The following CNTNAP2 variants were observed in gnomAD, a reference collection of about 807,000 sequenced individuals.
The protein encoded by CNTNAP2 is contactin associated protein 2, also known as contactin-associated protein-like 2.
A neutral mutation model predicts 155.2 loss-of-function variants in CNTNAP2; 98 were observed. The observed-to-expected ratio is 0.63, with a 90% confidence interval of 0.54 to 0.75. The LOEUF is 0.75. CNTNAP2 is among the 30% of genes least tolerant of loss of function. The pLI is 0.00. For missense variants in CNTNAP2, 1,727 were observed against 1,688.1 expected (o/e 1.02, Z -0.40); for synonymous variants, 651 against 631.2 (o/e 1.03, Z -0.47).
chr7:147,166,751 T>TG (rs1439582265), intron 8 of CNTNAP2, among the ~76,000 whole-genome samples: 2 of 150,826 alleles, frequency 1.3e-5, no homozygotes, highest in Non-Finnish European at 3.0e-5. Flanking sequence ...GTGGGCAGAG[T>TG]GGGGGTCACA....
At chr7:146,632,891 TG>T (rs1401537387) in intron 1 of CNTNAP2, among the ~76,000 whole-genome samples, 3 of 151,836 alleles carry the variant, frequency 2.0e-5, no homozygotes, top group Admixed American at 2.0e-4. Context: ...TGAGCTAATT[TG>T]TAAATGATGT....
chr7:147,718,533 AT>A (rs1296154912), intron 13 of CNTNAP2, among the ~76,000 whole-genome samples: 1 of 152,132 alleles, frequency 6.6e-6, no homozygotes, highest in East Asian at 1.9e-4. Context: ...AACAAAATAT[AT>A]TTCAGTCTTT....
intron 1 of CNTNAP2, among the ~76,000 whole-genome samples, chr7:146,719,184 C>T (rs1245885321): frequency 6.6e-6 from 1 of 152,144 alleles, no homozygotes; most frequent in Non-Finnish European, 1.5e-5. Flanking sequence ...TGGAATATCA[C>T]ATCATTCTGT....
intron 15 of CNTNAP2, among the ~76,000 whole-genome samples, chr7:148,106,493 G>GATAGATATATATATATATATATATATAT (rs1490418389): frequency 8.0e-6 from 1 of 124,926 alleles, no homozygotes; most frequent in Non-Finnish European, 1.6e-5. Context: ...CACACTTTGA[G>GATAGATATATATATATATATATATATAT]ATATATATAT....
At chr7:146,172,976 G>A (rs1798416326) in intron 1 of CNTNAP2, among the ~76,000 whole-genome samples, 1 of 152,032 alleles carries the variant, frequency 6.6e-6, no homozygotes, top group Non-Finnish European at 1.5e-5. Flanking sequence ...AGCTGTGTGT[G>A]TGTTTTTTTT....
chr7:148,150,407 G>A lies in CNTNAP2; in HGVS notation c.2773+2698G>A, dbSNP rs548134072. On this transcript the variant is annotated intron_variant, in intron 17 of 23. Coordinates refer to ENST00000361727, the MANE Select transcript of CNTNAP2 (RefSeq NM_014141.6). ...ACTAAAAATACAAAAAATTAGCCAG[G>A]CATGGTGGTGGGTGCCTGTAGTCCC... Among the ~76,000 whole-genome samples, 50 of 152,238 alleles carry A rather than the reference G, an allele frequency of 3.3e-4. No homozygotes were observed. In the South Asian group the frequency reaches 1.0e-2, roughly 30 times the overall value.
chr7:146,368,660 C>T (rs890306979), intron 1 of CNTNAP2, among the ~76,000 whole-genome samples: 4 of 152,030 alleles, frequency 2.6e-5, no homozygotes, highest in Non-Finnish European at 5.9e-5. Context: ...GTAAGATGCA[C>T]CACGGTTCAT....
intron 9 of CNTNAP2, among the ~76,000 whole-genome samples, chr7:147,363,574 C>T (rs950513720): frequency 7.9e-5 from 12 of 152,156 alleles, no homozygotes; most frequent in Admixed American, 2.6e-4. Flanking sequence ...ACCTCAAATT[C>T]ATGGATCTGT....
chr7:147,615,214 T>C (rs1278674129), intron 12 of CNTNAP2, among the ~76,000 whole-genome samples: 1 of 84,202 alleles, frequency 1.2e-5, no homozygotes, highest in African/African-American at 5.3e-5. Context: ...CAGTGAGCTA[T>C]AATCATGCCA....
intron 1 of CNTNAP2, among the ~76,000 whole-genome samples, chr7:146,480,356 T>A (rs1796940912): frequency 6.6e-6 from 1 of 152,210 alleles, no homozygotes; most frequent in Non-Finnish European, 1.5e-5. Context: ...ACCAGTGTCA[T>A]GGCTTTATAA....
At chr7:146,336,839 G>A (rs1395913983) in intron 1 of CNTNAP2, among the ~76,000 whole-genome samples, 2 of 152,148 alleles carry the variant, frequency 1.3e-5, no homozygotes, top group South Asian at 4.1e-4. Context: ...AGTATGCTGA[G>A]TGAAAAAAGC....
intron 21 of CNTNAP2, among the ~76,000 whole-genome samples, chr7:148,381,008 G>A (rs150992565): frequency 4.9e-4 from 74 of 152,344 alleles, no homozygotes; most frequent in African/African-American, 1.5e-3. Flanking sequence ...AGGAGCAAAC[G>A]CCACTCACTT....
At chr7:147,895,383 A>G (rs1015514058) in intron 13 of CNTNAP2, among the ~76,000 whole-genome samples, 1 of 152,144 alleles carries the variant, frequency 6.6e-6, no homozygotes, top group African/African-American at 2.4e-5. Flanking sequence ...TCACCATAAT[A>G]AAACTTGATC....
intron 12 of CNTNAP2, among the ~76,000 whole-genome samples, chr7:147,626,203 CA>C (rs1447370826): frequency 6.6e-6 from 1 of 151,982 alleles, no homozygotes; most frequent in African/African-American, 2.4e-5. Flanking sequence ...CAGATTCGAG[CA>C]CAGGAGCCGC....
chr7:146,940,472 C>A (rs202079104), intron 3 of CNTNAP2, among the ~76,000 whole-genome samples: 22 of 152,152 alleles, frequency 1.4e-4, no homozygotes, highest in Non-Finnish European at 2.6e-4. Flanking sequence ...GGATTACAGG[C>A]GTGAGCCACC....
intron 16 of CNTNAP2, among the ~76,000 whole-genome samples, chr7:148,131,247 C>T (rs761701042): frequency 1.3e-5 from 2 of 151,770 alleles, no homozygotes; most frequent in East Asian, 1.9e-4. Flanking sequence ...CACAGGCTCA[C>T]GCCACCACGC....
At chr7:147,559,253 G>A (rs900973850) in intron 11 of CNTNAP2, among the ~76,000 whole-genome samples, 1 of 152,210 alleles carries the variant, frequency 6.6e-6, no homozygotes, top group Non-Finnish European at 1.5e-5. Flanking sequence ...GGCCACACCA[G>A]AAAGGGTGAG....
intron 1 of CNTNAP2, among the ~76,000 whole-genome samples, chr7:146,679,442 A>G (rs978680569): frequency 7.6e-6 from 1 of 132,088 alleles, no homozygotes. Flanking sequence ...TGCAACTTCC[A>G]CCTCCCAGGT....
chr7:147,397,769 AAT>A (rs1584924317), intron 10 of CNTNAP2, among the ~76,000 whole-genome samples: 1 of 131,016 alleles, frequency 7.6e-6, no homozygotes, highest in Non-Finnish European at 1.6e-5. Flanking sequence ...AGATACACAA[AAT>A]TTTTTTTTTT....
Sources: allele counts gnomAD v4.1 joint callset (sites outside exome capture counted in the v4.1 genomes callset), GRCh38; gene constraint gnomAD v4.1.1; transcripts MANE v1.5; gene names NCBI Gene and HGNC (gene_info 2026-07-23, HGNC 2026-07-21).